Variants in EML6 observed in about 807,000 individuals in gnomAD.
EML6 encodes echinoderm microtubule-associated protein-like 6.
EML6 carries 154 observed loss-of-function variants against 240.1 expected under a neutral mutation model. The observed-to-expected ratio is 0.64, with a 90% CI of 0.56 to 0.73. The LOEUF (loss-of-function observed/expected upper bound fraction) is 0.73. Ranked by LOEUF, EML6 falls within the 30% of genes least tolerant of loss-of-function variation. The pLI, the probability that EML6 is intolerant of heterozygous loss-of-function variation, is 0.00. For missense variants in EML6, 2,964 were observed against 2,474.6 expected, an observed-to-expected ratio of 1.20 and a Z score of -4.20; for synonymous variants, 1,148 against 899.0, an observed-to-expected ratio of 1.28 and a Z score of -4.95.
intron 2 of EML6, among the ~76,000 whole-genome samples, chr2:54,766,025 C>A (rs952516542): frequency 2.0e-5 from 3 of 152,214 alleles, no homozygotes; most frequent in African/African-American, 4.8e-5. Flanking sequence ...TTTCCACCTC[C>A]TCCTCTCACA....
intron 21 of EML6, 58 bp downstream of exon 21, chr2:54,895,458 G>T: frequency 6.6e-7 from 1 of 1,522,566 alleles, no homozygotes; most frequent in South Asian, 1.2e-5. Flanking sequence ...CTAGAGTGAG[G>T]CAAAGTTGAT....
chr2:54,853,915 A>G, intron 11 of EML6, 60 bp downstream of exon 11: 3 of 1,046,286 alleles, frequency 2.9e-6, no homozygotes, highest in Admixed American at 5.0e-5. Flanking sequence ...ATACAGTACA[A>G]TTAAGGCTGA....
chr2:54,858,556 T>A (rs146864461), intron 11 of EML6, among the ~76,000 whole-genome samples: 12 of 152,330 alleles, frequency 7.9e-5, no homozygotes, highest in African/African-American at 2.6e-4. Context: ...CGAAACTGAT[T>A]TAGGTAACTC....
At chr2:54,896,989 G>T (rs10184999) in intron 21 of EML6, among the ~76,000 whole-genome samples, 151,318 of 152,364 alleles carry the variant, frequency 0.99, 75,141 homozygotes, top group Middle Eastern at 1. Context: ...GAGGCAATGA[G>T]GTCTTTGTTC....
At chr2:54,728,545 TTTACCGG>T (rs1683012216) in intron 2 of EML6, among the ~76,000 whole-genome samples, 1 of 152,210 alleles carries the variant, frequency 6.6e-6, no homozygotes, top group Admixed American at 6.5e-5. Context: ...CACTCTGCCA[TTTACCGG>T]GGGTATCTGG....
At chr2:54,929,895 G>C (rs1674763321) in intron 28 of EML6, among the ~76,000 whole-genome samples, 1 of 152,102 alleles carries the variant, frequency 6.6e-6, no homozygotes, top group Non-Finnish European at 1.5e-5. Flanking sequence ...AGATTTTTCT[G>C]CAGTGGTCTT....
intron 26 of EML6, among the ~76,000 whole-genome samples, chr2:54,922,300 A>G (rs1674297608): frequency 6.6e-6 from 1 of 152,262 alleles, no homozygotes; most frequent in Non-Finnish European, 1.5e-5. Context: ...AGGTATGTGA[A>G]AAGATGTTCA....
At position 54,903,404 on chromosome 2, in the gene EML6, A is replaced by G. The variant is rs773919706; in HGVS notation, c.3311A>G (p.Asp1104Gly). 6.4e-7 allele frequency: 1 copy of G among 1,551,828 alleles called. No individual in the cohort carries two copies. Among genetic ancestry groups the G allele is most frequent in the South Asian group, 1.2e-5 (1 of 84,064 alleles). The change falls in exon 24 of 42, where the codon GAT (aspartate) becomes GGT (glycine). Residue 1104 changes from aspartate to glycine, a missense_variant. Coordinates refer to ENST00000356458, the MANE Select transcript of EML6 (RefSeq NM_001039753.4). The part of the protein sequence containing the change: ...TGKYLAVASH[D>G]NFVDIYNVLT... ...AAATACCTTGCCGTGGCATCCCATG[A>G]TAACTTTGTGGATATTTACAACGTA... is the stretch of plus-strand genomic sequence containing the variant.
intron 25 of EML6, among the ~76,000 whole-genome samples, chr2:54,913,411 C>A (rs989817244): frequency 6.6e-6 from 1 of 152,034 alleles, no homozygotes; most frequent in Non-Finnish European, 1.5e-5. Context: ...CCATGCCCAG[C>A]TAATTCTTGT....
intron 12 of EML6, among the ~76,000 whole-genome samples, chr2:54,861,267 C>A (rs950082651): frequency 6.6e-6 from 1 of 152,168 alleles, no homozygotes; most frequent in Non-Finnish European, 1.5e-5. Context: ...AGTGCCACAC[C>A]TTCTATAGCT....
intron 21 of EML6, among the ~76,000 whole-genome samples, chr2:54,896,193 G>T (rs1672754810): frequency 1.3e-5 from 2 of 152,144 alleles, no homozygotes; most frequent in Non-Finnish European, 2.9e-5. Flanking sequence ...TCAAAGTCCA[G>T]AATCTCATTA....
intron 7 of EML6, among the ~76,000 whole-genome samples, chr2:54,839,963 T>C (rs1288053078): frequency 1.3e-5 from 2 of 152,262 alleles, no homozygotes; most frequent in East Asian, 3.8e-4. Flanking sequence ...TATAATCTTT[T>C]TTCCTTGCTG....
At chr2:54,925,305 C>G (rs1674483624) in intron 26 of EML6, among the ~76,000 whole-genome samples, 1 of 152,186 alleles carries the variant, frequency 6.6e-6, no homozygotes, top group Non-Finnish European at 1.5e-5. Flanking sequence ...TGCCCAGCCT[C>G]TAAAACTGTG....
chr2:54,861,012 G>A (rs1573019325), intron 12 of EML6, among the ~76,000 whole-genome samples: 1 of 152,332 alleles, frequency 6.6e-6, no homozygotes, highest in East Asian at 1.9e-4. Flanking sequence ...CCTTGGAGCA[G>A]TGCAGAAAAA....
chr2:54,943,267 A>G (rs1430339432), intron 28 of EML6, among the ~76,000 whole-genome samples: 1 of 152,114 alleles, frequency 6.6e-6, no homozygotes, highest in East Asian at 1.9e-4. Flanking sequence ...TCTCAGAGGA[A>G]GTAAGTCCCT....
chr2:54,821,720 A>T (rs189738957), intron 5 of EML6, among the ~76,000 whole-genome samples: 1 of 152,248 alleles, frequency 6.6e-6, no homozygotes, highest in African/African-American at 2.4e-5. Flanking sequence ...AATATGTATG[A>T]CAACTTAGAG....
At chr2:54,916,431 T>G (rs552567103) in intron 25 of EML6, among the ~76,000 whole-genome samples, 21 of 152,182 alleles carry the variant, frequency 1.4e-4, no homozygotes, top group Non-Finnish European at 2.1e-4. Flanking sequence ...AGTGCTGGCG[T>G]TGGGGAATCT....
intron 10 of EML6, among the ~76,000 whole-genome samples, chr2:54,852,550 G>A (rs901980138): frequency 2.0e-5 from 3 of 152,142 alleles, no homozygotes; most frequent in Non-Finnish European, 2.9e-5. Flanking sequence ...AATTCCAAAT[G>A]CCCCTGTACT....
intron 17 of EML6, chr2:54,880,824 A>T (rs1671772592): frequency 6.6e-6 from 1 of 152,234 alleles, no homozygotes; most frequent in African/African-American, 2.4e-5. Flanking sequence ...CTTTACAGAT[A>T]ATTTCAGGGA....
Sources: gnomAD v4.1 joint callset for allele counts (sites outside exome capture counted in the v4.1 genomes callset) on GRCh38, gnomAD v4.1.1 for gene constraint, MANE v1.5 for transcripts, NCBI Gene and HGNC (gene_info 2026-07-23, HGNC 2026-07-21) for gene names.